The following STRN3 variants were observed in gnomAD, a reference collection of about 807,000 sequenced individuals.
STRN3 encodes the protein striatin 3.
In STRN3, 29 loss-of-function variants were observed where a neutral mutation model predicts 95.6. The ratio of observed to expected loss-of-function variants is 0.30; its 90% CI spans 0.23 to 0.41. The LOEUF is 0.41. Among genes scored for constraint, STRN3 ranks in the 10% least tolerant of loss-of-function variants. The pLI, the probability that STRN3 is intolerant of heterozygous loss-of-function variation, is 1.00. For missense variants in STRN3, 890 were observed against 972.1 expected, an observed-to-expected ratio of 0.92 and a Z score of 1.12; for synonymous variants, 331 against 357.6, an observed-to-expected ratio of 0.93 and a Z score of 0.84.
chr14:30,957,145 G>A (rs1198505706), intron 1 of STRN3, among the ~76,000 whole-genome samples: 3 of 150,536 alleles, frequency 2.0e-5, no homozygotes, highest in East Asian at 2.0e-4. Context: ...GCAACAGAGC[G>A]ACACTCTGTC....
At chr14:31,007,272 A>G (rs1290579538) in intron 1 of STRN3, among the ~76,000 whole-genome samples, 1 of 152,222 alleles carries the variant, frequency 6.6e-6, no homozygotes, top group Non-Finnish European at 1.5e-5. Context: ...AAGAGAATGG[A>G]TATCTCTAGA....
chr14:30,974,391 A>G (rs1276495519), intron 1 of STRN3, among the ~76,000 whole-genome samples: 1 of 152,198 alleles, frequency 6.6e-6, no homozygotes, highest in Non-Finnish European at 1.5e-5. Flanking sequence ...AATGAAAACT[A>G]TAAAACAATG....
intron 1 of STRN3, among the ~76,000 whole-genome samples, chr14:30,974,374 CTT>C (rs1332140109): frequency 1.3e-5 from 2 of 151,944 alleles, no homozygotes; most frequent in Admixed American, 6.6e-5. Context: ...ATGTGAAAGA[CTT>C]ATATAATGAA....
At chr14:30,919,653 A>C (rs923533471) in intron 8 of STRN3, among the ~76,000 whole-genome samples, 1 of 152,200 alleles carries the variant, frequency 6.6e-6, no homozygotes, top group Admixed American at 6.5e-5. Flanking sequence ...TGTCATTAAC[A>C]AATCAACCCC....
rs1198292990 is a variant in STRN3, at chr14:31,026,336, G to A, written c.-151C>T. 1.3e-6 allele frequency: 1 copy of A among 747,458 alleles called. No individual in the cohort carries two copies. The highest frequency in any genetic ancestry group is 1.9e-6 in the Non-Finnish European group (1 of 525,566). The allele number at this position is 747,458 out of a possible 1,614,324, so 46.3% of individuals were successfully genotyped here. On this transcript the variant is annotated 5_prime_UTR_variant, in exon 1 of 18. Coordinates refer to ENST00000357479, the MANE Select transcript of STRN3 (RefSeq NM_001083893.2). ...TGCTGTGTGCCTGCCGTGGGTCAGA[G>A]CAGGGAGCTGCCGGCTGCCGCCATT...
At chr14:30,946,810 T>A (rs1318532534) in intron 5 of STRN3, among the ~76,000 whole-genome samples, 1 of 152,006 alleles carries the variant, frequency 6.6e-6, no homozygotes, top group East Asian at 1.9e-4. Context: ...AAACCCCGTG[T>A]CTACTAAAAA....
intron 7 of STRN3, among the ~76,000 whole-genome samples, chr14:30,933,365 A>G (rs991639297): frequency 2.6e-5 from 4 of 151,336 alleles, no homozygotes; most frequent in Non-Finnish European, 5.9e-5. Flanking sequence ...CATTTAGCAA[A>G]ATCCTGTTAA....
rs1878430947 is a variant in STRN3, at chr14:30,929,967, A to AAAAAAAAAAACAAAAAACAAAAAAAC, written c.989-657_989-656insGTTTTTTTGTTTTTTGTTTTTTTTTT. The stretch of plus-strand genomic sequence containing the variant: ...AACTAAGATTAGCAAAAAAAAAAAA[A>AAAAAAAAAAACAAAAAACAAAAAAAC]AAAAAAAAAAAACTCAAATTCCACT... On this transcript the variant is annotated intron_variant, in intron 7 of 17. Coordinates refer to ENST00000357479, the MANE Select transcript of STRN3 (RefSeq NM_001083893.2). Among the ~76,000 whole-genome samples the AAAAAAAAAAACAAAAAACAAAAAAAC allele has an allele frequency of 2.2e-3, 199 of 91,132 alleles. 2 individuals are homozygous for AAAAAAAAAAACAAAAAACAAAAAAAC. Among genetic ancestry groups the AAAAAAAAAAACAAAAAACAAAAAAAC allele is most frequent in the African/African-American group, 7.0e-3 (181 of 25,984 alleles). 59.8% of individuals were successfully genotyped at this position (91,132 alleles called of 152,430 possible). A position where few individuals can be genotyped will look rare whatever the true frequency, so the allele number is the denominator to read the frequency against.
intron 16 of STRN3, among the ~76,000 whole-genome samples, chr14:30,896,548 A>G (rs1021251110): frequency 6.7e-6 from 1 of 149,852 alleles, no homozygotes; most frequent in African/African-American, 2.5e-5. Context: ...GGAAAGAGAA[A>G]AGAGAAGAAA....
intron 1 of STRN3, among the ~76,000 whole-genome samples, chr14:31,009,749 C>T (rs1882883759): frequency 6.6e-6 from 1 of 151,594 alleles, no homozygotes; most frequent in Non-Finnish European, 1.5e-5. Flanking sequence ...AATTTAAATA[C>T]ATCATAAAAT....
chr14:31,024,880 A>T (rs563671895), intron 1 of STRN3, among the ~76,000 whole-genome samples: 42 of 152,316 alleles, frequency 2.8e-4, no homozygotes, highest in African/African-American at 9.1e-4. Context: ...AATAAACACA[A>T]ATACCCAAGA....
intron 8 of STRN3, among the ~76,000 whole-genome samples, chr14:30,927,168 C>A (rs991870815): frequency 6.6e-6 from 1 of 151,990 alleles, no homozygotes; most frequent in Non-Finnish European, 1.5e-5. Context: ...AAAATATTAG[C>A]CAGGTGTGGT....
intron 8 of STRN3, among the ~76,000 whole-genome samples, chr14:30,924,825 G>A (rs1298438543): frequency 6.6e-6 from 1 of 152,126 alleles, no homozygotes; most frequent in Non-Finnish European, 1.5e-5. Context: ...CTCCATCCGA[G>A]GCAGCAGAGT....
intron 1 of STRN3, among the ~76,000 whole-genome samples, chr14:31,022,542 T>G (rs1883552398): frequency 6.6e-6 from 1 of 151,846 alleles, no homozygotes; most frequent in Non-Finnish European, 1.5e-5. Flanking sequence ...GCAATATATA[T>G]AAACTATGCC....
chr14:30,910,951 G>A (rs1896590362), intron 13 of STRN3, 90 bp downstream of exon 13: 1 of 1,436,092 alleles, frequency 7.0e-7, no homozygotes, highest in Admixed American at 2.2e-5. Context: ...GACTAATATA[G>A]GTTTAAATAA....
intron 8 of STRN3, among the ~76,000 whole-genome samples, chr14:30,920,248 G>GA (rs1202281672): frequency 6.6e-6 from 1 of 152,036 alleles, no homozygotes; most frequent in Non-Finnish European, 1.5e-5. Context: ...TAATTTCTTA[G>GA]AAATGCTTAA....
intron 8 of STRN3, among the ~76,000 whole-genome samples, chr14:30,921,458 T>C (rs1321217885): frequency 6.6e-6 from 1 of 152,156 alleles, no homozygotes; most frequent in Non-Finnish European, 1.5e-5. Flanking sequence ...TATAGCCTGA[T>C]AGCTTCAGTG....
chr14:30,991,432 G>A (rs1403190097), intron 1 of STRN3, among the ~76,000 whole-genome samples: 1 of 152,092 alleles, frequency 6.6e-6, no homozygotes, highest in Admixed American at 6.6e-5. Context: ...AAGTAAATAG[G>A]ACAGGCATCT....
At chr14:30,934,700 A>G (rs1307798868) in intron 7 of STRN3, among the ~76,000 whole-genome samples, 1 of 152,138 alleles carries the variant, frequency 6.6e-6, no homozygotes, top group Non-Finnish European at 1.5e-5. Flanking sequence ...GAGTAGCTTT[A>G]TTCTTTCTAA....
Sources: gnomAD v4.1 joint callset for allele counts (sites outside exome capture counted in the v4.1 genomes callset) on GRCh38, gnomAD v4.1.1 for gene constraint, MANE v1.5 for transcripts, NCBI Gene and HGNC (gene_info 2026-07-23, HGNC 2026-07-21) for gene names.